Variants in PPM1H observed in about 807,000 individuals in gnomAD.
The protein encoded by PPM1H is protein phosphatase, Mg2+/Mn2+ dependent 1H, also known as protein phosphatase 1H.
Under a neutral mutation model 54.9 loss-of-function variants are expected in PPM1H, and 27 were observed. The observed-to-expected ratio is 0.49, with a 90% CI of 0.36 to 0.68. The LOEUF (loss-of-function observed/expected upper bound fraction) is 0.68, where lower values mean the gene tolerates loss of function less well. Ranked by LOEUF, PPM1H falls within the 30% of genes least tolerant of loss-of-function variation. PPM1H has a pLI of 0.00. For synonymous variants in PPM1H, 305 were observed against 270.8 expected (o/e 1.13, Z -1.24); for missense variants, 596 against 667.8 (o/e 0.89, Z 1.19).
chr12:62,896,432 G>A, intron 1 of PPM1H, among the ~76,000 whole-genome samples: 1 of 152,132 alleles, frequency 6.6e-6, no homozygotes, highest in Non-Finnish European at 1.5e-5. Flanking sequence ...ATCAAAAAGT[G>A]GGCGAAGGAC....
intron 3 of PPM1H, among the ~76,000 whole-genome samples, chr12:62,795,490 A>G (rs1031576324): frequency 9.9e-5 from 15 of 152,088 alleles, no homozygotes; most frequent in Non-Finnish European, 1.5e-4. Context: ...TCTGTCACTC[A>G]GGTTGGAGTG....
At chr12:62,800,261 T>C (rs1420065478) in intron 3 of PPM1H, among the ~76,000 whole-genome samples, 1 of 152,182 alleles carries the variant, frequency 6.6e-6, no homozygotes, top group Non-Finnish European at 1.5e-5. Flanking sequence ...TATCCGGTTC[T>C]GGCAAGACGC....
intron 4 of PPM1H, among the ~76,000 whole-genome samples, chr12:62,761,533 C>T (rs2076509110): frequency 6.6e-6 from 1 of 152,028 alleles, no homozygotes; most frequent in African/African-American, 2.4e-5. Context: ...AATTTTCCTG[C>T]TAAAATTGGT....
chr12:62,906,864 G>T (rs1030382510), intron 1 of PPM1H, among the ~76,000 whole-genome samples: 1 of 152,206 alleles, frequency 6.6e-6, no homozygotes, highest in South Asian at 2.1e-4. Context: ...CATGTATAGC[G>T]TAACAACACG....
At chr12:62,887,407 G>A (rs559953585) in intron 1 of PPM1H, among the ~76,000 whole-genome samples, 8 of 152,156 alleles carry the variant, frequency 5.3e-5, no homozygotes, top group African/African-American at 1.7e-4. Flanking sequence ...GCCTAATGAC[G>A]GACATGTAAA....
intron 4 of PPM1H, among the ~76,000 whole-genome samples, chr12:62,752,044 G>A (rs1226758148): frequency 1.3e-5 from 2 of 152,158 alleles, no homozygotes; most frequent in African/African-American, 4.8e-5. Context: ...CATTAAGTTG[G>A]GTTTGGGAGC....
At position 62,839,211 on chromosome 12, in the gene PPM1H, G is replaced by GGTCCTTCT. The variant is rs1592627749; in HGVS notation, c.246-6940_246-6933dup. ...GCAGAATAAACACAGGCTAGGAAGAGGTCCTTCTGTACCCCCACAACCTTA... is the reference window on the plus strand; with the variant it reads ...GCAGAATAAACACAGGCTAGGAAGAGGTCCTTCTGTCCTTCTGTACCCCCACAACCTTA... On this transcript the variant is annotated intron_variant, in intron 1 of 9. Coordinates refer to ENST00000228705, the MANE Select transcript of PPM1H (RefSeq NM_020700.2). Among the ~76,000 whole-genome samples the GGTCCTTCT allele has an allele frequency of 6.6e-5, 10 of 152,196 alleles. No individual in the cohort carries two copies. In the South Asian group the frequency reaches 2.1e-3, roughly 32 times the overall value.
At chr12:62,855,696 C>A (rs1298820452) in intron 1 of PPM1H, among the ~76,000 whole-genome samples, 1 of 152,096 alleles carries the variant, frequency 6.6e-6, no homozygotes, top group Non-Finnish European at 1.5e-5. Context: ...TTCCAGGTCT[C>A]TGGGCCTGTG....
intron 5 of PPM1H, among the ~76,000 whole-genome samples, chr12:62,733,085 T>C (rs1482981455): frequency 2.0e-5 from 3 of 152,178 alleles, no homozygotes; most frequent in African/African-American, 7.2e-5. Flanking sequence ...TTTCTGAGCA[T>C]GTTATGAGTA....
In PPM1H at chr12:62,904,300, A is replaced by G. The variant is rs536116598; in HGVS notation, c.245+30192T>C. Reference sequence around the variant, plus strand: ...GTTGCCCAGGCTGGAGTGCAGTGGCATGATCTTGGCTCACTGCAACCTCCA... The same window carrying G: ...GTTGCCCAGGCTGGAGTGCAGTGGCGTGATCTTGGCTCACTGCAACCTCCA... On this transcript the variant is annotated intron_variant, in intron 1 of 9. Transcript: ENST00000228705. Among the ~76,000 whole-genome samples the G allele has an allele frequency of 7.3e-4, 111 of 151,986 alleles. 2 individuals carry two copies. The highest frequency in any genetic ancestry group is 2.4e-3 in the African/African-American group (101 of 41,442).
intron 4 of PPM1H, among the ~76,000 whole-genome samples, chr12:62,783,565 G>C (rs2076654302): frequency 6.6e-6 from 1 of 152,188 alleles, no homozygotes; most frequent in Non-Finnish European, 1.5e-5. Context: ...GTCGAAGCCT[G>C]GGGAAACCAG....
At chr12:62,816,008 T>G (rs10506449) in intron 2 of PPM1H, among the ~76,000 whole-genome samples, 9,961 of 152,262 alleles carry the variant, frequency 0.065, 440 homozygotes, top group Middle Eastern at 0.11. Flanking sequence ...GCTAACTAAC[T>G]CCCATATCAA....
At chr12:62,695,381 G>A (rs2076108704) in intron 6 of PPM1H, among the ~76,000 whole-genome samples, 2 of 152,136 alleles carry the variant, frequency 1.3e-5, no homozygotes, top group Admixed American at 1.3e-4. Flanking sequence ...GCTCATTCGT[G>A]AGATTATTGC....
chr12:62,704,122 G>T (rs1262084546), intron 6 of PPM1H, among the ~76,000 whole-genome samples: 1 of 151,904 alleles, frequency 6.6e-6, no homozygotes, highest in East Asian at 1.9e-4. Flanking sequence ...GATTCACTTT[G>T]CCTTTGGATG....
chr12:62,682,185 T>C (rs993624718), intron 8 of PPM1H, among the ~76,000 whole-genome samples: 1 of 152,256 alleles, frequency 6.6e-6, no homozygotes, highest in Non-Finnish European at 1.5e-5. Context: ...ACTGTTACCA[T>C]TTTTTAAAAC....
chr12:62,883,141 G>A (rs1342107419), intron 1 of PPM1H, among the ~76,000 whole-genome samples: 2 of 152,292 alleles, frequency 1.3e-5, no homozygotes, highest in South Asian at 2.1e-4. Flanking sequence ...GAAGAAAGGA[G>A]CTTCTCATAC....
At chr12:62,765,941 A>C (rs987807900) in intron 4 of PPM1H, among the ~76,000 whole-genome samples, 1 of 152,262 alleles carries the variant, frequency 6.6e-6, no homozygotes, top group Non-Finnish European at 1.5e-5. Flanking sequence ...GAAAGAGGCT[A>C]GAATCTGGAC....
chr12:62,757,587 T>C (rs76496691), intron 4 of PPM1H, among the ~76,000 whole-genome samples: 2,525 of 152,296 alleles, frequency 0.017, 46 homozygotes, highest in East Asian at 0.066. Flanking sequence ...TCACCAGAAA[T>C]GTACCATCAT....
At chr12:62,841,519 A>T (rs1395636191) in intron 1 of PPM1H, among the ~76,000 whole-genome samples, 1 of 152,192 alleles carries the variant, frequency 6.6e-6, no homozygotes, top group East Asian at 1.9e-4. Flanking sequence ...AGCCAAAATT[A>T]CTTACTATTT....
Sources: gnomAD v4.1 joint callset for allele counts (sites outside exome capture counted in the v4.1 genomes callset) on GRCh38, gnomAD v4.1.1 for gene constraint, MANE v1.5 for transcripts, NCBI Gene and HGNC (gene_info 2026-07-23, HGNC 2026-07-21) for gene names.